Variants in OPCML observed in about 807,000 individuals in gnomAD.
The protein encoded by OPCML is opioid-binding protein/cell adhesion molecule.
OPCML carries 13 observed loss-of-function variants against 37.8 expected under a neutral mutation model. The ratio of observed to expected loss-of-function variants is 0.34; its 90% CI spans 0.22 to 0.55. The LOEUF (loss-of-function observed/expected upper bound fraction) is 0.55, where lower values mean the gene tolerates loss of function less well. OPCML is among the 20% of genes least tolerant of loss of function. The probability of loss-of-function intolerance (pLI) is 0.91; values close to 1 mark genes in which losing one functional copy is unlikely to be tolerated. For synonymous variants in OPCML, 176 were observed against 168.8 expected (o/e 1.04, Z -0.33); for missense variants, 341 against 435.6 (o/e 0.78, Z 1.93).
At chr11:132,720,631 G>A (rs568989856) in intron 2 of OPCML, among the ~76,000 whole-genome samples, 65 of 152,192 alleles carry the variant, frequency 4.3e-4, no homozygotes, top group South Asian at 1.7e-3. Context: ...CTATTTACCC[G>A]GGAATTTATT....
At position 132,923,373 on chromosome 11, in the gene OPCML, C is replaced by A. The variant is rs55655614; in HGVS notation, c.146+19553G>T. On this transcript the variant is annotated intron_variant, in intron 2 of 7. Coordinates refer to ENST00000524381, the MANE Select transcript of OPCML (RefSeq NM_001012393.5). Reference sequence around the variant, plus strand: ...GGAATCTGTATTCTAAAAAATCTTCCTGGATTACTATGACGCCCAGCCGGG... The same window carrying A: ...GGAATCTGTATTCTAAAAAATCTTCATGGATTACTATGACGCCCAGCCGGG... Among the ~76,000 whole-genome samples, 9 of 152,144 alleles carry A rather than the reference C, an allele frequency of 5.9e-5. No homozygotes were observed. In the East Asian group the frequency reaches 1.7e-3, roughly 30 times the overall value.
rs990760199 is a variant in OPCML at position 132,897,469 on chromosome 11, G to A, written c.146+45457C>T. On this transcript the variant is annotated intron_variant, in intron 2 of 7. Coordinates refer to ENST00000524381, the MANE Select transcript of OPCML (RefSeq NM_001012393.5). ...TGGAGGTACAAAGAAGTTACATGAA[G>A]AAATGCCCCAAATGTCCTTGGTGTC... Among the ~76,000 whole-genome samples the A allele has an allele frequency of 3.9e-5, 6 of 152,186 alleles. No individual in the cohort carries two copies. The South Asian group carries it at 8.3e-4, about 21-fold the overall frequency.
chr11:132,726,125 T>C (rs781691093), intron 2 of OPCML, among the ~76,000 whole-genome samples: 4 of 152,198 alleles, frequency 2.6e-5, no homozygotes, highest in Non-Finnish European at 5.9e-5. Flanking sequence ...TGCTTATACA[T>C]TTTTGGGTAT....
Position 133,432,592 on chromosome 11 carries a change from T to C in OPCML, c.61+99672A>G, listed in dbSNP as rs192932327. On this transcript the variant is annotated intron_variant, in intron 1 of 7. Transcript: ENST00000524381. ...GTTGTTCTTTCTGAATCTATGAATT[T>C]TGTGTTAAATCTGGAAAATTGTCTT... Among the ~76,000 whole-genome samples, 376 of 152,310 alleles carry C rather than the reference T, an allele frequency of 2.5e-3. 3 individuals are homozygous for C. Among genetic ancestry groups the C allele is most frequent in the African/African-American group, 8.5e-3 (355 of 41,564 alleles).
intron 1 of OPCML, among the ~76,000 whole-genome samples, chr11:133,333,786 A>T (rs1338615573): frequency 6.6e-6 from 1 of 152,224 alleles, no homozygotes; most frequent in Non-Finnish European, 1.5e-5. Context: ...ACTTAAACAA[A>T]TTTACAAGAG....
intron 4 of OPCML, among the ~76,000 whole-genome samples, chr11:132,489,058 A>G (rs933442865): frequency 3.3e-5 from 5 of 152,238 alleles, no homozygotes; most frequent in African/African-American, 1.2e-4. Context: ...CAAAACACAA[A>G]CACATTATAC....
intron 1 of OPCML, among the ~76,000 whole-genome samples, chr11:133,416,038 T>C (rs35398284): frequency 0.08 from 12,208 of 152,180 alleles, 1,413 homozygotes; most frequent in African/African-American, 0.25. Flanking sequence ...TTAGTTATAC[T>C]CCAGCCAGAC....
rs140072289 is a variant in OPCML at position 133,045,256 on chromosome 11, T to A, written c.62-102246A>T. 3.8e-3 allele frequency among the ~76,000 whole-genome samples: 573 copies of A among 152,340 alleles called. 2 individuals are homozygous for A. Among genetic ancestry groups the A allele is most frequent in the Non-Finnish European group, 5.7e-3 (385 of 68,042 alleles). On this transcript the variant is annotated intron_variant, in intron 1 of 7. Coordinates refer to ENST00000524381, the MANE Select transcript of OPCML (RefSeq NM_001012393.5). ...ATTCATGTCACATCGTTATTTCATG[T>A]CTGCATTTTGTCCCCTCCTGAGATG...
intron 3 of OPCML, among the ~76,000 whole-genome samples, chr11:132,640,827 T>C (rs1042959762): frequency 5.9e-5 from 9 of 152,062 alleles, no homozygotes; most frequent in South Asian, 4.1e-4. Flanking sequence ...CAGGCAGAAG[T>C]AGGGCGCTGC....
At chr11:132,493,346 C>T (rs2096221942) in intron 4 of OPCML, among the ~76,000 whole-genome samples, 1 of 152,184 alleles carries the variant, frequency 6.6e-6, no homozygotes, top group East Asian at 1.9e-4. Flanking sequence ...GATGCTCTTC[C>T]CTTTATATCC....
chr11:133,145,935 A>G (rs1406561605), intron 1 of OPCML, among the ~76,000 whole-genome samples: 4 of 152,230 alleles, frequency 2.6e-5, no homozygotes, highest in Admixed American at 6.5e-5. Flanking sequence ...ATGAATTTAC[A>G]CTGGCGAATA....
intron 4 of OPCML, among the ~76,000 whole-genome samples, chr11:132,494,865 T>C (rs1322249542): frequency 6.6e-6 from 1 of 152,200 alleles, no homozygotes; most frequent in Non-Finnish European, 1.5e-5. Context: ...TCAAGACTCT[T>C]TGATGGTTTC....
At chr11:133,184,930 T>C (rs560530082) in intron 1 of OPCML, among the ~76,000 whole-genome samples, 1 of 152,296 alleles carries the variant, frequency 6.6e-6, no homozygotes, top group African/African-American at 2.4e-5. Context: ...CTTGGGAACC[T>C]GAGTGGTGAT....
chr11:132,612,087 G>C (rs1224816443), intron 3 of OPCML, among the ~76,000 whole-genome samples: 1 of 152,138 alleles, frequency 6.6e-6, no homozygotes, highest in Non-Finnish European at 1.5e-5. Flanking sequence ...ATGGTAACCA[G>C]GTTTTTACAA....
chr11:133,220,818 G>A (rs921970165), intron 1 of OPCML, among the ~76,000 whole-genome samples: 4 of 151,880 alleles, frequency 2.6e-5, no homozygotes, highest in Admixed American at 2.0e-4. Flanking sequence ...ATGCTTAACA[G>A]CCCCCCGATC....
intron 1 of OPCML, among the ~76,000 whole-genome samples, chr11:133,304,348 T>C (rs1942858136): frequency 6.6e-6 from 1 of 152,150 alleles, no homozygotes; most frequent in South Asian, 2.1e-4. Flanking sequence ...CTTCTTAAAA[T>C]ACAAAAGACC....
chr11:132,439,056 A>G (rs571238167), intron 4 of OPCML, among the ~76,000 whole-genome samples: 1 of 152,262 alleles, frequency 6.6e-6, no homozygotes, highest in Admixed American at 6.5e-5. Context: ...GTGCAATTCC[A>G]TGGAGGAAAT....
intron 1 of OPCML, among the ~76,000 whole-genome samples, chr11:133,246,067 G>T (rs1038861559): frequency 6.6e-6 from 1 of 152,046 alleles, no homozygotes; most frequent in African/African-American, 2.4e-5. Flanking sequence ...CATGGCACAT[G>T]TATACCTATG....
chr11:133,453,349 G>A (rs1311976530), intron 1 of OPCML, among the ~76,000 whole-genome samples: 1 of 152,122 alleles, frequency 6.6e-6, no homozygotes, highest in Non-Finnish European at 1.5e-5. Flanking sequence ...ATAGAAAAGG[G>A]ACTTTCAAAC....
Sources: allele counts gnomAD v4.1 joint callset (sites outside exome capture counted in the v4.1 genomes callset), GRCh38; gene constraint gnomAD v4.1.1; transcripts MANE v1.5; gene names NCBI Gene and HGNC (gene_info 2026-07-23, HGNC 2026-07-21).